TRAPPC8: variants seen among roughly 807,000 people sequenced by gnomAD.
The protein encoded by TRAPPC8 is trafficking protein particle complex subunit 8, also known as general sporulation gene 1 homolog.
In TRAPPC8, 54 loss-of-function variants were observed where a neutral mutation model predicts 174.3. The observed-to-expected ratio is 0.31, with a 90% CI of 0.25 to 0.39. The LOEUF is 0.39. Ranked by LOEUF, TRAPPC8 falls within the 10% of genes least tolerant of loss-of-function variation. The probability of loss-of-function intolerance (pLI) is 1.00; values close to 1 mark genes in which losing one functional copy is unlikely to be tolerated. For synonymous variants in TRAPPC8, 630 were observed against 579.9 expected (o/e 1.09, Z -1.24); for missense variants, 1,531 against 1,699.1 (o/e 0.90, Z 1.74).
intron 27 of TRAPPC8, among the ~76,000 whole-genome samples, chr18:31,836,722 C>A (rs1568028396): frequency 6.6e-6 from 1 of 151,160 alleles, no homozygotes; most frequent in South Asian, 2.1e-4. Flanking sequence ...CAAACTGGAA[C>A]CTCTGGGGGT....
intron 12 of TRAPPC8, among the ~76,000 whole-genome samples, chr18:31,881,083 G>C (rs2035427327): frequency 6.6e-6 from 1 of 151,920 alleles, no homozygotes; most frequent in African/African-American, 2.4e-5. Context: ...GCAATCTACA[G>C]ATTCAACAAA....
At chr18:31,852,756 AAAT>A (rs1201169832) in intron 22 of TRAPPC8, 93 bp from the exon 23 acceptor site, 6 of 962,550 alleles carry the variant, frequency 6.2e-6, no homozygotes, top group Non-Finnish European at 9.6e-6. Context: ...TCAAAATAGA[AAAT>A]AATTCGTAAT....
intron 5 of TRAPPC8, 112 bp from the exon 6 acceptor site, chr18:31,909,872 T>C (rs150966331): frequency 8.1e-5 from 53 of 655,756 alleles, no homozygotes; most frequent in Admixed American, 3.9e-4. Context: ...CTCATTTATT[T>C]GCTACAGTGA....
intron 12 of TRAPPC8, among the ~76,000 whole-genome samples, chr18:31,881,631 CA>C (rs2035458296): frequency 6.6e-6 from 1 of 151,982 alleles, no homozygotes; most frequent in Non-Finnish European, 1.5e-5. Flanking sequence ...CCAACAAAAA[CA>C]AAAATTGACA....
chr18:31,884,883 T>C (rs1464080314), intron 12 of TRAPPC8, among the ~76,000 whole-genome samples: 3 of 148,850 alleles, frequency 2.0e-5, no homozygotes, highest in South Asian at 2.1e-4. Flanking sequence ...AGATGGAGCC[T>C]CACTGTGTAG....
intron 21 of TRAPPC8, among the ~76,000 whole-genome samples, chr18:31,854,759 G>C (rs2033903717): frequency 6.6e-6 from 1 of 151,746 alleles, no homozygotes; most frequent in Admixed American, 6.6e-5. Context: ...ACGAGGTCAG[G>C]AGATCGAGAC....
intron 5 of TRAPPC8, among the ~76,000 whole-genome samples, chr18:31,911,756 CAAAAAAAAAA>C (rs71177805): frequency 4.8e-5 from 3 of 62,982 alleles, no homozygotes; most frequent in African/African-American, 2.3e-4. Flanking sequence ...GACTCCGTCT[CAAAAAAAAAA>C]AAAAAAAAAA....
chr18:31,901,078 T>A, intron 9 of TRAPPC8, 53 bp from the exon 10 acceptor site: 1 of 1,462,432 alleles, frequency 6.8e-7, no homozygotes, highest in South Asian at 1.3e-5. Flanking sequence ...AGTCTTACAG[T>A]TTAGATGGGA....
intron 12 of TRAPPC8, among the ~76,000 whole-genome samples, chr18:31,875,031 A>G (rs2035074432): frequency 6.6e-6 from 1 of 152,176 alleles, no homozygotes; most frequent in African/African-American, 2.4e-5. Flanking sequence ...CAGAGGAAAG[A>G]GCTTACTTCT....
At chr18:31,921,319 A>G (rs995568740) in intron 2 of TRAPPC8, among the ~76,000 whole-genome samples, 2 of 152,162 alleles carry the variant, frequency 1.3e-5, no homozygotes, top group Non-Finnish European at 2.9e-5. Flanking sequence ...TGCTGTGAAT[A>G]AAGAGATCTT....
intron 10 of TRAPPC8, among the ~76,000 whole-genome samples, chr18:31,898,752 G>A (rs1212307972): frequency 1.3e-5 from 2 of 152,068 alleles, no homozygotes; most frequent in African/African-American, 4.8e-5. Flanking sequence ...CAGTAATCTA[G>A]AATTAGATTA....
At chr18:31,881,747 A>G (rs2035464780) in intron 12 of TRAPPC8, among the ~76,000 whole-genome samples, 1 of 152,290 alleles carries the variant, frequency 6.6e-6, no homozygotes, top group East Asian at 1.9e-4. Context: ...TACACATCCG[A>G]CAAAGGACTA....
At position 31,917,679 on chromosome 18, in the gene TRAPPC8, A is replaced by G; in HGVS notation, c.353-12T>C. On this transcript the variant is annotated splice_polypyrimidine_tract_variant and intron_variant, in intron 2 of 28. Coordinates refer to ENST00000283351, the MANE Select transcript of TRAPPC8 (RefSeq NM_014939.5). ...CCATGGAGTAGTGGCTAAAATTAACAATATACAAAACAGTTAAAAGTATTC... is the reference window on the plus strand; with the variant it reads ...CCATGGAGTAGTGGCTAAAATTAACGATATACAAAACAGTTAAAAGTATTC... The G allele has an allele frequency of 6.2e-7, 1 of 1,605,054 alleles. No homozygotes were observed. Among genetic ancestry groups the G allele is most frequent in the Non-Finnish European group, 8.5e-7 (1 of 1,173,192 alleles).
chr18:31,877,379 G>A lies in TRAPPC8; in HGVS notation c.1729-2675C>T, dbSNP rs539199476. Among the ~76,000 whole-genome samples the A allele has an allele frequency of 1.8e-4, 27 of 151,462 alleles. No homozygotes were observed. In the South Asian group the frequency reaches 3.8e-3, roughly 21 times the overall value. On this transcript the variant is annotated intron_variant, in intron 12 of 28. Coordinates refer to ENST00000283351, the MANE Select transcript of TRAPPC8 (RefSeq NM_014939.5). The stretch of plus-strand genomic sequence containing the variant: ...TGTAATCCCAGCACTTTGGGAGGCC[G>A]AGGCAGGCAGATCACAAGGTCAGGA...
At chr18:31,886,704 C>T (rs999419510) in intron 12 of TRAPPC8, among the ~76,000 whole-genome samples, 3 of 152,026 alleles carry the variant, frequency 2.0e-5, no homozygotes, top group East Asian at 1.9e-4. Context: ...CTGGGGGTGC[C>T]GAGCGCAATG....
intron 12 of TRAPPC8, among the ~76,000 whole-genome samples, chr18:31,876,306 T>C (rs1270211571): frequency 6.6e-6 from 1 of 151,632 alleles, no homozygotes; most frequent in East Asian, 1.9e-4. Flanking sequence ...CTGGCTATCA[T>C]GGTGAAACAC....
At chr18:31,850,620 T>C (rs1283666931) in intron 24 of TRAPPC8, among the ~76,000 whole-genome samples, 2 of 152,174 alleles carry the variant, frequency 1.3e-5, no homozygotes, top group East Asian at 3.9e-4. Context: ...TATGTATATA[T>C]CATGTAGATG....
Position 31,874,627 on chromosome 18 carries a change from G to A in TRAPPC8, c.1806C>T (p.His602=). 6.2e-7 allele frequency: 1 copy of A among 1,614,102 alleles called. No individual in the cohort carries two copies. The highest frequency in any genetic ancestry group is 1.1e-5 in the South Asian group (1 of 91,084). Residue 602 remains histidine (H), a synonymous_variant, in exon 13 of 29, where the codon CAC becomes CAT. Transcript: ENST00000283351. Reference sequence around the variant, plus strand: ...ACTGGCGCCCAATAGTGAAATTAATGTGATCCTCTGCAAGAGACCAGCCTT... The same window carrying A: ...ACTGGCGCCCAATAGTGAAATTAATATGATCCTCTGCAAGAGACCAGCCTT... ...KGKGWSLAED[H]INFTIGRQSY...
chr18:31,937,865 G>C (rs1234236186), intron 1 of TRAPPC8, among the ~76,000 whole-genome samples: 1 of 151,892 alleles, frequency 6.6e-6, no homozygotes, highest in African/African-American at 2.4e-5. Context: ...CACCACACCA[G>C]GCTAATTTTG....
Sources: allele counts gnomAD v4.1 joint callset (sites outside exome capture counted in the v4.1 genomes callset), GRCh38; gene constraint gnomAD v4.1.1; transcripts MANE v1.5; gene names NCBI Gene and HGNC (gene_info 2026-07-23, HGNC 2026-07-21).